The following TG variants were observed in gnomAD, a reference collection of about 807,000 sequenced individuals.
TG encodes the protein thyroid hormones.
A neutral mutation model predicts 324.7 loss-of-function variants in TG; 270 were observed. The ratio of observed to expected loss-of-function variants is 0.83; its 90% CI spans 0.75 to 0.92. The LOEUF (loss-of-function observed/expected upper bound fraction) is 0.92. Among genes scored for constraint, TG ranks in the 40% least tolerant of loss-of-function variants. The pLI is 0.00. For synonymous variants in TG, 1,401 were observed against 1,327.0 expected, an observed-to-expected ratio of 1.06 and a Z score of -1.21; for missense variants, 3,591 against 3,456.4, an observed-to-expected ratio of 1.04 and a Z score of -0.98.
chr8:133,027,877 A>G (rs1001230000), intron 40 of TG, among the ~76,000 whole-genome samples: 1 of 152,240 alleles, frequency 6.6e-6, no homozygotes, highest in Non-Finnish European at 1.5e-5. Context: ...TGGACCAGAC[A>G]TGTTGGACCG....
At position 132,868,364 on chromosome 8, in the gene TG, C is replaced by A. The variant is rs868626844; in HGVS notation, c.176+141C>A. The A allele has an allele frequency of 1.3e-5, 10 of 770,102 alleles. No individual in the cohort carries two copies. In the Middle Eastern group the frequency reaches 1.4e-3, roughly 108 times the overall value. 47.7% of individuals were successfully genotyped at this position (770,102 alleles called of 1,614,324 possible). ...GGCCACTGTCATTTGGAGGTGCCTG[C>A]CTTTCAGTTCCACTGTCATTTGGAG... On this transcript the variant is annotated intron_variant, in intron 2 of 47. Coordinates refer to ENST00000220616, the MANE Select transcript of TG (RefSeq NM_003235.5).
At chr8:132,911,722 A>C (rs185158716) in intron 19 of TG, among the ~76,000 whole-genome samples, 189 bp downstream of exon 19, 2 of 152,338 alleles carry the variant, frequency 1.3e-5, no homozygotes, top group Admixed American at 1.3e-4. Flanking sequence ...AGAGTTAAAT[A>C]ATGTCAACAA....
At position 132,906,906 on chromosome 8, in the gene TG, T is replaced by C; in HGVS notation, c.3847+6T>C. 6.2e-7 allele frequency: 1 copy of C among 1,608,408 alleles called. No individual in the cohort carries two copies. The stretch of plus-strand genomic sequence containing the variant: ...TCAGCCCCGGGCCTGCCAACGTGAG[T>C]GGCATCAGAGCATCTATCCTGCACC... On this transcript the variant is annotated splice_donor_region_variant and intron_variant, in intron 17 of 47. Transcript: ENST00000220616.
intron 1 of TG, among the ~76,000 whole-genome samples, chr8:132,867,305 A>G (rs893675143): frequency 9.9e-5 from 15 of 152,054 alleles, no homozygotes; most frequent in African/African-American, 3.6e-4. Flanking sequence ...TGATCTTCCT[A>G]ATTCAATTCT....
chr8:133,114,318 C>G (rs1284936520), intron 44 of TG, among the ~76,000 whole-genome samples: 1 of 152,130 alleles, frequency 6.6e-6, no homozygotes, highest in Non-Finnish European at 1.5e-5. Context: ...TGCCAAACCC[C>G]CACCCCAAGA....
rs1466416268 is a variant in TG, at chr8:132,933,545, C to A, written c.4817-16C>A. 3 of 1,613,164 alleles carry A rather than the reference C, an allele frequency of 1.9e-6. No homozygotes were observed. Among genetic ancestry groups the A allele is most frequent in the Non-Finnish European group, 2.5e-6 (3 of 1,179,448 alleles). On this transcript the variant is annotated splice_polypyrimidine_tract_variant and intron_variant, in intron 23 of 47. Transcript: ENST00000220616. The stretch of plus-strand genomic sequence containing the variant: ...CCGGGAAAGCCAGGTGAGTGACCGT[C>A]CCATGGTGCTTGCAGATTGCACAGA...
intron 35 of TG, among the ~76,000 whole-genome samples, chr8:133,009,237 G>A (rs1228418666): frequency 6.6e-6 from 1 of 152,164 alleles, no homozygotes. Context: ...TAAAATTGCA[G>A]TGTTCTCACC....
At chr8:133,065,690 G>A (rs1842936277) in intron 41 of TG, among the ~76,000 whole-genome samples, 1 of 151,998 alleles carries the variant, frequency 6.6e-6, no homozygotes, top group African/African-American at 2.4e-5. Flanking sequence ...TGAACCCAGT[G>A]GGCGGAGGTG....
intron 41 of TG, among the ~76,000 whole-genome samples, chr8:133,058,329 C>A (rs567014568): frequency 6.6e-6 from 1 of 152,118 alleles, no homozygotes; most frequent in Non-Finnish European, 1.5e-5. Flanking sequence ...ATTCTCTTCA[C>A]CAGGGGGTGG....
chr8:132,877,859 T>A (rs1246887915), intron 5 of TG, among the ~76,000 whole-genome samples: 4 of 152,222 alleles, frequency 2.6e-5, no homozygotes, highest in Non-Finnish European at 4.4e-5. Context: ...TGGTGATTGC[T>A]CTGTTGGAGT....
At chr8:133,082,316 A>C (rs62516034) in intron 41 of TG, among the ~76,000 whole-genome samples, 39,009 of 152,096 alleles carry the variant, frequency 0.26, 5,312 homozygotes, top group African/African-American at 0.31. Flanking sequence ...ACTTTGCATG[A>C]CTGGGGCAAC....
Position 132,977,626 on chromosome 8 carries a change from C to T in TG, c.6199+4885C>T, listed in dbSNP as rs1007991286. On this transcript the variant is annotated intron_variant, in intron 34 of 47. Coordinates refer to ENST00000220616, the MANE Select transcript of TG (RefSeq NM_003235.5). The stretch of plus-strand genomic sequence containing the variant: ...CACATCTTACATGAATGGCAGCAGG[C>T]GAAGAGAGAAATTGTGCAGGGAAAC... Among the ~76,000 whole-genome samples the T allele has an allele frequency of 1.5e-4, 23 of 152,126 alleles. 1 individual carries two copies. The highest frequency in any genetic ancestry group is 4.2e-4 in the South Asian group (2 of 4,806).
chr8:132,882,193 G>A (rs1814738356), intron 6 of TG, among the ~76,000 whole-genome samples: 1 of 152,264 alleles, frequency 6.6e-6, no homozygotes, highest in Admixed American at 6.5e-5. Context: ...TTGGAAAGAA[G>A]TGCCCCGCTC....
At chr8:132,868,281 G>A (rs564723644) in intron 2 of TG, 58 bp downstream of exon 2, 20 of 1,497,078 alleles carry the variant, frequency 1.3e-5, no homozygotes, top group Admixed American at 8.5e-5. Flanking sequence ...AAAGCATCTT[G>A]TGCCTTCCCC....
At chr8:132,874,782 C>G (rs1465082645) in intron 5 of TG, among the ~76,000 whole-genome samples, 2 of 152,224 alleles carry the variant, frequency 1.3e-5, no homozygotes, top group Non-Finnish European at 2.9e-5. Context: ...CTAAAACACA[C>G]AATTCTGAAT....
intron 35 of TG, chr8:132,988,766 T>G: frequency 3.0e-6 from 3 of 985,458 alleles, no homozygotes; most frequent in Non-Finnish European, 3.6e-6. Context: ...TCTTCTCCAG[T>G]GTTGGAGCCT....
chr8:133,049,694 A>G (rs1030862904), intron 41 of TG: 13 of 562,880 alleles, frequency 2.3e-5, no homozygotes, highest in Non-Finnish European at 3.8e-5. Flanking sequence ...CCTTCATTTT[A>G]CTGAGGGAGA....
intron 41 of TG, among the ~76,000 whole-genome samples, chr8:133,069,614 A>G (rs1363053242): frequency 1.3e-5 from 2 of 152,264 alleles, no homozygotes; most frequent in African/African-American, 4.8e-5. Flanking sequence ...CTACTGGACT[A>G]TAAGTGCCTT....
chr8:132,940,807 G>A (rs1429353323), intron 25 of TG, among the ~76,000 whole-genome samples: 1 of 152,216 alleles, frequency 6.6e-6, no homozygotes, highest in Admixed American at 6.5e-5. Flanking sequence ...TGTCTACAGA[G>A]CATTCCTTTA....
Sources: allele counts gnomAD v4.1 joint callset (sites outside exome capture counted in the v4.1 genomes callset), GRCh38; gene constraint gnomAD v4.1.1; transcripts MANE v1.5; gene names NCBI Gene and HGNC (gene_info 2026-07-23, HGNC 2026-07-21).